Variants in TNKS observed in about 807,000 individuals in gnomAD.
TNKS encodes tankyrase.
In TNKS, 72 loss-of-function variants were observed where a neutral mutation model predicts 135.8. The observed-to-expected ratio is 0.53, with a 90% CI of 0.44 to 0.64. The LOEUF (loss-of-function observed/expected upper bound fraction) is 0.64. Ranked by LOEUF, TNKS falls within the 30% of genes least tolerant of loss-of-function variation. TNKS has a pLI of 0.00. For synonymous variants in TNKS, 849 were observed against 649.3 expected, an observed-to-expected ratio of 1.31 and a Z score of -4.68; for missense variants, 1,769 against 1,674.0, an observed-to-expected ratio of 1.06 and a Z score of -0.99.
chr8:9,595,693 G>GA (rs1213485338), intron 2 of TNKS, among the ~76,000 whole-genome samples: 5 of 151,818 alleles, frequency 3.3e-5, no homozygotes, highest in African/African-American at 9.7e-5. Context: ...CAAAAAACTA[G>GA]AAAAAAAATT....
chr8:9,605,797 C>T (rs567386654), intron 2 of TNKS, among the ~76,000 whole-genome samples: 5 of 152,080 alleles, frequency 3.3e-5, no homozygotes, highest in African/African-American at 1.2e-4. Context: ...TATTGTTTGC[C>T]TTTTAATGAT....
At chr8:9,690,169 CAA>C (rs766479632) in intron 5 of TNKS, among the ~76,000 whole-genome samples, 1 of 152,274 alleles carries the variant, frequency 6.6e-6, no homozygotes, top group East Asian at 1.9e-4. Context: ...TTTGTTCACA[CAA>C]ATCTTGTGAG....
chr8:9,654,753 A>G (rs1801282478), intron 3 of TNKS, among the ~76,000 whole-genome samples: 3 of 152,210 alleles, frequency 2.0e-5, no homozygotes, highest in Admixed American at 2.0e-4. Context: ...CTTAAAAAGT[A>G]TCTACTTGGG....
chr8:9,605,897 T>G (rs2128761078), intron 2 of TNKS, among the ~76,000 whole-genome samples: 1 of 152,194 alleles, frequency 6.6e-6, no homozygotes, highest in Middle Eastern at 3.4e-3. Context: ...TGTTTTGCCT[T>G]TTCATGTTCT....
At chr8:9,701,697 G>A (rs767513466) in intron 5 of TNKS, among the ~76,000 whole-genome samples, 10 of 152,152 alleles carry the variant, frequency 6.6e-5, no homozygotes, top group Non-Finnish European at 1.2e-4. Flanking sequence ...CCAACTTACC[G>A]CCTCCAAAGA....
intron 26 of TNKS, among the ~76,000 whole-genome samples, chr8:9,772,132 T>C (rs889334611): frequency 1.2e-4 from 18 of 149,292 alleles, no homozygotes; most frequent in African/African-American, 4.5e-4. Flanking sequence ...AGGGATGACA[T>C]GGGACTCATC....
chr8:9,680,048 A>G, intron 4 of TNKS, 61 bp downstream of exon 4: 1 of 1,260,074 alleles, frequency 7.9e-7, no homozygotes, highest in Non-Finnish European at 1.2e-6. Context: ...GGAGGAGGGC[A>G]GGTGGAGGAC....
chr8:9,769,612 CTTTT>C lies in TNKS; in HGVS notation c.3741-472_3741-469del, dbSNP rs1163803220. Among the ~76,000 whole-genome samples the C allele has an allele frequency of 2.6e-4, 19 of 73,462 alleles. 1 individual carries two copies. The South Asian group carries it at 0.01, about 39-fold the overall frequency. The allele number at this position is 73,462 out of a possible 152,430, so 48.2% of individuals were successfully genotyped here. On this transcript the variant is annotated intron_variant, in intron 25 of 26. Coordinates refer to ENST00000310430, the MANE Select transcript of TNKS (RefSeq NM_003747.3). ...GGCAAAACTTACTGGCAGGCATTTT[CTTTT>C]TTTTTTTTTTTTTTTTTTTTTGAGA...
intron 20 of TNKS, among the ~76,000 whole-genome samples, chr8:9,756,778 T>C (rs1361877096): frequency 6.6e-6 from 1 of 152,158 alleles, no homozygotes; most frequent in Non-Finnish European, 1.5e-5. Flanking sequence ...GCCCTGTAAA[T>C]ACAGTTCTCC....
intron 12 of TNKS, among the ~76,000 whole-genome samples, chr8:9,725,555 T>C (rs1805123188): frequency 6.6e-6 from 1 of 152,156 alleles, no homozygotes; most frequent in African/African-American, 2.4e-5. Context: ...GACATTGGGC[T>C]CAAAAAAGAT....
At chr8:9,655,264 C>A (rs1585284084) in intron 3 of TNKS, among the ~76,000 whole-genome samples, 2 of 152,186 alleles carry the variant, frequency 1.3e-5, no homozygotes, top group South Asian at 4.1e-4. Flanking sequence ...CTGGGTGGAG[C>A]CCACCGCAGC....
At chr8:9,632,922 G>C (rs1211474141) in intron 3 of TNKS, among the ~76,000 whole-genome samples, 1 of 152,046 alleles carries the variant, frequency 6.6e-6, no homozygotes, top group African/African-American at 2.4e-5. Flanking sequence ...GTAGAGATGG[G>C]GTTTCACCAT....
chr8:9,571,624 T>A (rs1797761835), intron 1 of TNKS, among the ~76,000 whole-genome samples: 1 of 152,012 alleles, frequency 6.6e-6, no homozygotes, highest in Non-Finnish European at 1.5e-5. Flanking sequence ...CGCCTGGCTA[T>A]TTTTTTATAT....
At chr8:9,609,857 T>G (rs1799379851) in intron 2 of TNKS, among the ~76,000 whole-genome samples, 1 of 152,148 alleles carries the variant, frequency 6.6e-6, no homozygotes, top group Non-Finnish European at 1.5e-5. Context: ...AATTTTCTTT[T>G]TTTCTTTTTT....
At chr8:9,719,714 G>A (rs1202312464) in intron 11 of TNKS, among the ~76,000 whole-genome samples, 1 of 152,168 alleles carries the variant, frequency 6.6e-6, no homozygotes, top group Non-Finnish European at 1.5e-5. Context: ...TGGAAGATAA[G>A]ATGAGTCAGG....
At chr8:9,761,767 C>T in intron 21 of TNKS, 131 bp downstream of exon 21, 1 of 938,992 alleles carries the variant, frequency 1.1e-6, no homozygotes, top group Non-Finnish European at 1.5e-6. Flanking sequence ...TGTCCCTTCC[C>T]CATCTCAGTT....
In TNKS at chr8:9,731,888, C is replaced by T. The variant is rs183248349; in HGVS notation, c.2147+853C>T. Among the ~76,000 whole-genome samples the T allele has an allele frequency of 4.3e-3, 655 of 150,810 alleles. 4 individuals are homozygous for T. Among genetic ancestry groups the T allele is most frequent in the African/African-American group, 0.015 (605 of 41,458 alleles). ...CTGCAAGCTCTGCCTCCCAGGTTCA[C>T]GCCATTCTCCTGCCTCAGCCTCCCG... On this transcript the variant is annotated intron_variant, in intron 14 of 26. Transcript: ENST00000310430.
At chr8:9,707,188 T>C (rs188946388) in intron 8 of TNKS, among the ~76,000 whole-genome samples, 191 bp downstream of exon 8, 6 of 152,348 alleles carry the variant, frequency 3.9e-5, no homozygotes, top group Admixed American at 3.3e-4. Context: ...GTATATATTG[T>C]ATTTATTCGA....
In TNKS at chr8:9,750,928, A is replaced by G. The variant is rs1488280305; in HGVS notation, c.2833-681A>G. On this transcript the variant is annotated intron_variant, in intron 18 of 26. Transcript: ENST00000310430. ...AGTAGTCTAGCCCAAACTTCTGTACAACATGGCAGATGGCTTCTAAGAGAG... is the reference window on the plus strand; with the variant it reads ...AGTAGTCTAGCCCAAACTTCTGTACGACATGGCAGATGGCTTCTAAGAGAG... Among the ~76,000 whole-genome samples, 3 of 152,240 alleles carry G rather than the reference A, an allele frequency of 2.0e-5. No individual in the cohort carries two copies. The East Asian group carries it at 5.8e-4, about 29-fold the overall frequency.
Sources: allele counts gnomAD v4.1 joint callset (sites outside exome capture counted in the v4.1 genomes callset), GRCh38; gene constraint gnomAD v4.1.1; transcripts MANE v1.5; gene names NCBI Gene and HGNC (gene_info 2026-07-23, HGNC 2026-07-21).